Variants in CTDSPL2 observed in about 807,000 individuals in gnomAD.
CTDSPL2 encodes the protein CTD small phosphatase-like protein 2.
A neutral mutation model predicts 60.0 loss-of-function variants in CTDSPL2; 5 were observed. The ratio of observed to expected loss-of-function variants is 0.08; its 90% CI spans 0.04 to 0.18. The LOEUF (loss-of-function observed/expected upper bound fraction) is 0.18, where lower values mean the gene tolerates loss of function less well. Among genes scored for constraint, CTDSPL2 ranks in the 10% least tolerant of loss-of-function variants. The probability of loss-of-function intolerance (pLI) is 1.00; values close to 1 mark genes in which losing one functional copy is unlikely to be tolerated. For synonymous variants in CTDSPL2, 186 were observed against 189.3 expected (o/e 0.98, Z 0.14); for missense variants, 370 against 548.8 (o/e 0.67, Z 3.26).
At position 44,449,728 on chromosome 15, in the gene CTDSPL2, G is replaced by T. The variant is rs925517899; in HGVS notation, c.-24-9263G>T. On this transcript the variant is annotated intron_variant, in intron 1 of 12. Transcript: ENST00000260327. Reference sequence around the variant, plus strand: ...AAAGTAGCCAGGCGTGGTGGCACTAGCCTGTAATCCCAGCACTTTGGGAGG... The same window carrying T: ...AAAGTAGCCAGGCGTGGTGGCACTATCCTGTAATCCCAGCACTTTGGGAGG... Among the ~76,000 whole-genome samples, 4 of 152,080 alleles carry T rather than the reference G, an allele frequency of 2.6e-5. No homozygotes were observed. In the East Asian group the frequency reaches 5.8e-4, roughly 22 times the overall value.
At chr15:44,461,228 G>A (rs1292142358) in intron 2 of CTDSPL2, among the ~76,000 whole-genome samples, 2 of 152,124 alleles carry the variant, frequency 1.3e-5, no homozygotes, top group African/African-American at 4.8e-5. Flanking sequence ...CTTGAACAAT[G>A]TGGAGTTTAG....
chr15:44,467,991 G>A (rs1226621723), intron 2 of CTDSPL2, among the ~76,000 whole-genome samples: 1 of 152,058 alleles, frequency 6.6e-6, no homozygotes, highest in Non-Finnish European at 1.5e-5. Context: ...TATTCATGGA[G>A]GATTTCTTCT....
At chr15:44,516,259 C>T (rs567739290) in intron 10 of CTDSPL2, among the ~76,000 whole-genome samples, 3 of 152,250 alleles carry the variant, frequency 2.0e-5, no homozygotes, top group East Asian at 1.9e-4. Flanking sequence ...TGAGCCACTG[C>T]ACCCAGCCCA....
At chr15:44,455,334 G>T (rs894290617) in intron 1 of CTDSPL2, among the ~76,000 whole-genome samples, 1 of 152,144 alleles carries the variant, frequency 6.6e-6, no homozygotes, top group Non-Finnish European at 1.5e-5. Context: ...AGATGATGGG[G>T]TTTCCTAAAT....
intron 1 of CTDSPL2, among the ~76,000 whole-genome samples, chr15:44,434,137 C>T (rs2079923542): frequency 6.6e-6 from 1 of 151,688 alleles, no homozygotes; most frequent in South Asian, 2.1e-4. Flanking sequence ...CGTGGTGGCT[C>T]ACGCTTGTAA....
intron 1 of CTDSPL2, among the ~76,000 whole-genome samples, chr15:44,456,656 G>A (rs137926432): frequency 4.9e-4 from 74 of 151,868 alleles, no homozygotes; most frequent in Non-Finnish European, 8.4e-4. Flanking sequence ...TCTTGCTAGC[G>A]TCCTGTCAAT....
intron 2 of CTDSPL2, among the ~76,000 whole-genome samples, chr15:44,461,182 ATGTC>A (rs1366209929): frequency 6.6e-6 from 1 of 152,110 alleles, no homozygotes; most frequent in African/African-American, 2.4e-5. Context: ...GGTTTTTGTT[ATGTC>A]TTCAGAATTC....
intron 1 of CTDSPL2, among the ~76,000 whole-genome samples, chr15:44,429,303 CACGTTAACT>C (rs2079809346): frequency 6.6e-6 from 1 of 152,138 alleles, no homozygotes; most frequent in Non-Finnish European, 1.5e-5. Flanking sequence ...GAGGTACAGG[CACGTTAACT>C]ACTTGCCGAG....
intron 4 of CTDSPL2, among the ~76,000 whole-genome samples, 198 bp downstream of exon 4, chr15:44,486,898 G>A (rs1468321083): frequency 6.6e-6 from 1 of 151,714 alleles, no homozygotes; most frequent in African/African-American, 2.4e-5. Context: ...CAAGTAGGTG[G>A]GACTGTAGGT....
At chr15:44,464,839 G>A (rs1244516020) in intron 2 of CTDSPL2, among the ~76,000 whole-genome samples, 1 of 152,096 alleles carries the variant, frequency 6.6e-6, no homozygotes, top group Non-Finnish European at 1.5e-5. Context: ...CTGGATAGCT[G>A]GAATTACAGG....
intron 2 of CTDSPL2, among the ~76,000 whole-genome samples, chr15:44,481,530 C>T (rs1385285521): frequency 2.0e-5 from 3 of 152,092 alleles, no homozygotes; most frequent in Non-Finnish European, 4.4e-5. Context: ...AGTAAAAAGC[C>T]TCCAGTTCAG....
rs1230353347 is a variant in CTDSPL2 at position 44,526,461 on chromosome 15, C to A, written c.*2287C>A. 1 of 152,080 alleles carries A rather than the reference C, an allele frequency of 6.6e-6. No individual in the cohort carries two copies. 9.4% of individuals were successfully genotyped at this position (152,080 alleles called of 1,614,324 possible). ...TCAATGATAAAGTTGTTTTCAGTCCCACACTAGGAGAGTTCCTTTAAGTCA... is the reference window on the plus strand; with the variant it reads ...TCAATGATAAAGTTGTTTTCAGTCCAACACTAGGAGAGTTCCTTTAAGTCA... On this transcript the variant is annotated 3_prime_UTR_variant, in exon 13 of 13. Coordinates refer to ENST00000260327, the MANE Select transcript of CTDSPL2 (RefSeq NM_016396.3).
chr15:44,477,463 A>C (rs939110105), intron 2 of CTDSPL2, among the ~76,000 whole-genome samples: 5 of 151,914 alleles, frequency 3.3e-5, no homozygotes. Flanking sequence ...TGAGCCTGGG[A>C]GGTCAGGGCT....
chr15:44,439,872 T>C (rs1299872662), intron 1 of CTDSPL2, among the ~76,000 whole-genome samples: 1 of 152,194 alleles, frequency 6.6e-6, no homozygotes, highest in East Asian at 1.9e-4. Context: ...GTATTATGTT[T>C]GTTTGGTTTT....
intron 2 of CTDSPL2, among the ~76,000 whole-genome samples, chr15:44,466,091 T>A (rs1429935198): frequency 3.3e-5 from 5 of 151,964 alleles, no homozygotes; most frequent in African/African-American, 4.8e-5. Context: ...CCCACTACCG[T>A]GCCTGGCTAA....
chr15:44,502,673 T>C (rs2081399189), intron 8 of CTDSPL2, among the ~76,000 whole-genome samples: 1 of 152,238 alleles, frequency 6.6e-6, no homozygotes, highest in Non-Finnish European at 1.5e-5. Flanking sequence ...ATTCCTGGTC[T>C]AATAATTATG....
chr15:44,521,915 G>A (rs1479816158), intron 12 of CTDSPL2, among the ~76,000 whole-genome samples: 1 of 116,512 alleles, frequency 8.6e-6, no homozygotes, highest in African/African-American at 3.3e-5. Flanking sequence ...TCCAGCCTGG[G>A]CGACAGAGCG....
chr15:44,522,161 G>A (rs1026672829), intron 12 of CTDSPL2, among the ~76,000 whole-genome samples: 2 of 151,918 alleles, frequency 1.3e-5, no homozygotes, highest in Non-Finnish European at 2.9e-5. Flanking sequence ...AGCCTCTTGG[G>A]TAGCTAGGAC....
At chr15:44,489,365 G>C (rs983615924) in intron 4 of CTDSPL2, among the ~76,000 whole-genome samples, 21 of 152,208 alleles carry the variant, frequency 1.4e-4, no homozygotes, top group African/African-American at 5.1e-4. Context: ...GTGTATTTAA[G>C]TGATACACCA....
Sources: allele counts gnomAD v4.1 joint callset (sites outside exome capture counted in the v4.1 genomes callset), GRCh38; gene constraint gnomAD v4.1.1; transcripts MANE v1.5; gene names NCBI Gene and HGNC (gene_info 2026-07-23, HGNC 2026-07-21).